ZBTB46: variants seen among roughly 807,000 people sequenced by gnomAD.
ZBTB46 encodes the protein zinc finger and BTB domain containing 46, also known as zinc finger and BTB domain-containing protein 46.
Under a neutral mutation model 44.1 loss-of-function variants are expected in ZBTB46, and 8 were observed. That is an observed-to-expected ratio of 0.18 (90% CI 0.11 to 0.33). The LOEUF is 0.33. Among genes scored for constraint, ZBTB46 ranks in the 10% least tolerant of loss-of-function variants. The pLI is 1.00. For synonymous variants in ZBTB46, 409 were observed against 382.3 expected, an observed-to-expected ratio of 1.07 and a Z score of -0.81; for missense variants, 651 against 847.7, an observed-to-expected ratio of 0.77 and a Z score of 2.88.
chr20:63,775,668 C>G lies in ZBTB46; in HGVS notation c.1222+10G>C. Reference sequence around the variant, plus strand: ...ACCAAAGCCAAGCGGCCCCCAGGGCCTGCACTTACGGGACAGCGAGTGGGC... The same window carrying G: ...ACCAAAGCCAAGCGGCCCCCAGGGCGTGCACTTACGGGACAGCGAGTGGGC... On this transcript the variant is annotated intron_variant, in intron 3 of 4. Coordinates refer to ENST00000245663, the MANE Select transcript of ZBTB46 (RefSeq NM_001369741.1). 1 of 1,551,524 alleles carries G rather than the reference C, an allele frequency of 6.4e-7. No homozygotes were observed. Among genetic ancestry groups the G allele is most frequent in the East Asian group, 2.3e-5 (1 of 44,250 alleles).
rs1048098351 is a variant in ZBTB46 at position 63,744,968 on chromosome 20, A to G, written c.*1962T>C. ...GGTCTGGTTTCCAAATGCATTTTGTAAGAAAGTCAGTCTGTTTAGAAAAAG... is the reference window on the plus strand; with the variant it reads ...GGTCTGGTTTCCAAATGCATTTTGTGAGAAAGTCAGTCTGTTTAGAAAAAG... On this transcript the variant is annotated 3_prime_UTR_variant, in exon 5 of 5. Transcript: ENST00000245663. 6 of 152,422 alleles carry G rather than the reference A, an allele frequency of 3.9e-5. No homozygotes were observed. The highest frequency in any genetic ancestry group is 1.3e-4 in the Admixed American group (2 of 15,284). The allele number at this position is 152,422 out of a possible 1,614,324, so 9.4% of individuals were successfully genotyped here.
At chr20:63,747,539 G>T (rs565753807) in intron 4 of ZBTB46, among the ~76,000 whole-genome samples, 2 of 128,710 alleles carry the variant, frequency 1.6e-5, no homozygotes, top group African/African-American at 6.1e-5. Context: ...TGGTGGGTGG[G>T]GGGGGTGCGG....
rs892999227 is a variant in ZBTB46 at position 63,746,842 on chromosome 20, C to T, written c.*88G>A. On this transcript the variant is annotated 3_prime_UTR_variant, in exon 5 of 5. Coordinates refer to ENST00000245663, the MANE Select transcript of ZBTB46 (RefSeq NM_001369741.1). ...GAGGAGGGGCCGCGAGAGGGGTGAG[C>T]GTGGCCCTGGCCCCGCAGTGGAGAC... 3.2e-5 allele frequency: 46 copies of T among 1,418,896 alleles called. No individual in the cohort carries two copies. Among genetic ancestry groups the T allele is most frequent in the Middle Eastern group, 2.5e-4 (1 of 3,984 alleles). The allele number at this position is 1,418,896 out of a possible 1,614,324, so 87.9% of individuals were successfully genotyped here.
At chr20:63,807,884 C>G (rs1242916530) in intron 1 of ZBTB46, among the ~76,000 whole-genome samples, 1 of 152,240 alleles carries the variant, frequency 6.6e-6, no homozygotes, top group Non-Finnish European at 1.5e-5. Flanking sequence ...GCCGTGTGCC[C>G]AAGTCCCCAC....
At chr20:63,781,503 T>C (rs934781670) in intron 2 of ZBTB46, among the ~76,000 whole-genome samples, 13 of 152,092 alleles carry the variant, frequency 8.5e-5, no homozygotes, top group Non-Finnish European at 1.6e-4. Flanking sequence ...TCAAAGACCA[T>C]AGAGAAGCCA....
chr20:63,763,942 G>A (rs967325417), intron 3 of ZBTB46, among the ~76,000 whole-genome samples: 3 of 152,012 alleles, frequency 2.0e-5, no homozygotes, highest in African/African-American at 4.8e-5. Flanking sequence ...TCACACAGTT[G>A]CCTTATCTGG....
intron 1 of ZBTB46, among the ~76,000 whole-genome samples, chr20:63,799,298 C>A (rs2092626200): frequency 6.6e-6 from 1 of 152,092 alleles, no homozygotes; most frequent in Non-Finnish European, 1.5e-5. Context: ...CCTCAGCCTC[C>A]CAAAGTTCTG....
At position 63,746,675 on chromosome 20, in the gene ZBTB46, C is replaced by T. The variant is rs890948474; in HGVS notation, c.*255G>A. The T allele has an allele frequency of 2.4e-5, 12 of 498,004 alleles. No homozygotes were observed. The highest frequency in any genetic ancestry group is 1.0e-4 in the African/African-American group (5 of 49,710). 30.8% of individuals were successfully genotyped at this position (498,004 alleles called of 1,614,324 possible). ...GCACCACCTGCTGGGGACTTAGGACCGTGCTCTCCCTTCACTCAAACCCAC... is the reference window on the plus strand; with the variant it reads ...GCACCACCTGCTGGGGACTTAGGACTGTGCTCTCCCTTCACTCAAACCCAC... On this transcript the variant is annotated 3_prime_UTR_variant, in exon 5 of 5. Coordinates refer to ENST00000245663, the MANE Select transcript of ZBTB46 (RefSeq NM_001369741.1).
intron 4 of ZBTB46, among the ~76,000 whole-genome samples, chr20:63,751,995 G>A (rs1306333992): frequency 4.0e-5 from 6 of 151,790 alleles, no homozygotes; most frequent in Non-Finnish European, 8.8e-5. Context: ...CCCGGAGCCC[G>A]GGGCGCCTCC....
At chr20:63,781,867 C>T (rs1357597344) in intron 2 of ZBTB46, among the ~76,000 whole-genome samples, 3 of 151,864 alleles carry the variant, frequency 2.0e-5, no homozygotes, top group Admixed American at 6.6e-5. Context: ...GGGCAGATCA[C>T]AAGGTCAGGA....
intron 1 of ZBTB46, among the ~76,000 whole-genome samples, chr20:63,810,066 G>A (rs978580055): frequency 6.6e-6 from 1 of 152,150 alleles, no homozygotes; most frequent in South Asian, 2.1e-4. Flanking sequence ...AGAGTGGGGC[G>A]GCCCTTGAAG....
chr20:63,819,894 A>C (rs2092781523), intron 1 of ZBTB46, among the ~76,000 whole-genome samples: 1 of 152,198 alleles, frequency 6.6e-6, no homozygotes, highest in Admixed American at 6.5e-5. Context: ...AAGTTCTTCA[A>C]AACACTCCGA....
chr20:63,762,355 T>A (rs889654594), intron 3 of ZBTB46, among the ~76,000 whole-genome samples: 1 of 149,504 alleles, frequency 6.7e-6, no homozygotes, highest in Non-Finnish European at 1.5e-5. Context: ...ACCTCATGTA[T>A]TTTAAAACTG....
chr20:63,802,761 GC>G (rs1177477032), intron 1 of ZBTB46, among the ~76,000 whole-genome samples: 14 of 90,948 alleles, frequency 1.5e-4, no homozygotes, highest in Non-Finnish European at 2.4e-4. Context: ...CGAACCTCAG[GC>G]CCCCAGCACC....
Position 63,767,870 on chromosome 20 carries a change from C to T in ZBTB46, c.1222+7808G>A, listed in dbSNP as rs1568844660. 4 of 985,304 alleles carry T rather than the reference C, an allele frequency of 4.1e-6. No homozygotes were observed. Among genetic ancestry groups the T allele is most frequent in the Non-Finnish European group, 4.8e-6 (4 of 829,786 alleles). The allele number at this position is 985,304 out of a possible 1,614,324, so 61.0% of individuals were successfully genotyped here. A position where few individuals can be genotyped will look rare whatever the true frequency, so the allele number is the denominator to read the frequency against. On this transcript the variant is annotated intron_variant, in intron 3 of 4. Transcript: ENST00000245663. The surrounding 1 kb of genome is among the most constrained non-coding windows in gnomAD (Gnocchi z 5.0). ...AGGCCTGGGCTGGAAGAAGACTCCTCAGGCATCCTGGACAGGCCACAGGCC... is the reference window on the plus strand; with the variant it reads ...AGGCCTGGGCTGGAAGAAGACTCCTTAGGCATCCTGGACAGGCCACAGGCC...
chr20:63,770,873 G>A (rs919100862), intron 3 of ZBTB46, among the ~76,000 whole-genome samples: 1 of 152,200 alleles, frequency 6.6e-6, no homozygotes, highest in Non-Finnish European at 1.5e-5. Context: ...GGACACCCTA[G>A]AGACCACGCT....
At position 63,822,140 on chromosome 20, in the gene ZBTB46, G is replaced by A. The variant is rs376625517; in HGVS notation, c.-34+8957C>T. Among the ~76,000 whole-genome samples the A allele has an allele frequency of 1.4e-3, 213 of 152,302 alleles. 3 individuals carry two copies. In the Middle Eastern group the frequency reaches 0.024, roughly 17 times the overall value. On this transcript the variant is annotated intron_variant, in intron 1 of 4. Coordinates refer to ENST00000245663, the MANE Select transcript of ZBTB46 (RefSeq NM_001369741.1). ...ATTTTAGAAACATGAACACAGCCCT[G>A]ATCAAGCGGAACCGATACACTCCCG...
chr20:63,790,662 G>A lies in ZBTB46; in HGVS notation c.96C>T (p.Asp32=), dbSNP rs199552955. 2.0e-5 allele frequency: 32 copies of A among 1,611,788 alleles called. No homozygotes were observed. The highest frequency in any genetic ancestry group is 9.9e-5 in the South Asian group (9 of 91,082). ...CCTTGCCCTCCACGACCACGCAGAC[G>A]TCGCACAGGACGCCGTGCTGCCTCT... ...NEQRQHGVLC[D]VCVVVEGKVF... Residue 32 remains aspartate, a synonymous_variant, in exon 2 of 5, where the codon GAC becomes GAT. Transcript: ENST00000245663.
rs149847232 is a variant in ZBTB46, at chr20:63,805,416, G to A, written c.-33-14626C>T. 7.2e-4 allele frequency among the ~76,000 whole-genome samples: 110 copies of A among 152,170 alleles called. No homozygotes were observed. The South Asian group carries it at 0.011, about 15-fold the overall frequency. Reference sequence around the variant, plus strand: ...TTGCAGGCTGCAGTCAGTGAGCTCCGATTGCACCACTGTGCTCTAGCTGGA... The same window carrying A: ...TTGCAGGCTGCAGTCAGTGAGCTCCAATTGCACCACTGTGCTCTAGCTGGA... On this transcript the variant is annotated intron_variant, in intron 1 of 4. Transcript: ENST00000245663.
Sources: gnomAD v4.1 joint callset for allele counts (sites outside exome capture counted in the v4.1 genomes callset) on GRCh38, gnomAD v4.1.1 for gene constraint, Gnocchi (gnomAD v3.1) non-coding constraint, MANE v1.5 for transcripts, NCBI Gene and HGNC (gene_info 2026-07-23, HGNC 2026-07-21) for gene names.